AMPH: variants seen among roughly 807,000 people sequenced by gnomAD.
AMPH encodes the protein amphiphysin, also known as amphiphysin (Stiff-Mann syndrome with breast cancer 128kD autoantigen).
A neutral mutation model predicts 99.1 loss-of-function variants in AMPH; 49 were observed. The ratio of observed to expected loss-of-function variants is 0.49; its 90% confidence interval spans 0.39 to 0.63. The LOEUF (loss-of-function observed/expected upper bound fraction) is 0.63, where lower values mean the gene tolerates loss of function less well. AMPH is among the 20% of genes least tolerant of loss of function. AMPH has a pLI of 0.00. For missense variants in AMPH, 759 were observed against 863.4 expected, an observed-to-expected ratio of 0.88 and a Z score of 1.52; for synonymous variants, 314 against 317.3, an observed-to-expected ratio of 0.99 and a Z score of 0.11.
At chr7:38,560,923 A>C (rs781674545) in intron 1 of AMPH, among the ~76,000 whole-genome samples, 3 of 152,218 alleles carry the variant, frequency 2.0e-5, no homozygotes, top group Admixed American at 6.5e-5. Context: ...CATTGGCTAA[A>C]TGATATGTTA....
chr7:38,541,014 T>G (rs917936402), intron 1 of AMPH, among the ~76,000 whole-genome samples: 1 of 74,420 alleles, frequency 1.3e-5, no homozygotes, highest in African/African-American at 4.7e-5. Flanking sequence ...CACTTTCTGT[T>G]CTTAAAAAAA....
intron 1 of AMPH, among the ~76,000 whole-genome samples, chr7:38,617,480 G>A (rs1053821760): frequency 2.6e-5 from 4 of 152,204 alleles, no homozygotes; most frequent in Non-Finnish European, 4.4e-5. Context: ...GGCAGAAGGC[G>A]TGCACCACGC....
intron 5 of AMPH, among the ~76,000 whole-genome samples, chr7:38,485,545 A>G (rs1788456985): frequency 6.6e-6 from 1 of 151,934 alleles, no homozygotes; most frequent in African/African-American, 2.4e-5. Context: ...TATAGATAGA[A>G]CCACAATTTC....
chr7:38,575,455 G>A (rs1422677682), intron 1 of AMPH, among the ~76,000 whole-genome samples: 1 of 152,056 alleles, frequency 6.6e-6, no homozygotes, highest in Non-Finnish European at 1.5e-5. Context: ...CCATGTGTTG[G>A]GGGAGGGACC....
chr7:38,391,210 T>C (rs1784483372), intron 19 of AMPH, among the ~76,000 whole-genome samples: 1 of 152,252 alleles, frequency 6.6e-6, no homozygotes, highest in South Asian at 2.1e-4. Context: ...AGGCTCTAAG[T>C]AGCCTGTCTG....
At chr7:38,494,051 G>A (rs922559758) in intron 4 of AMPH, among the ~76,000 whole-genome samples, 2 of 152,108 alleles carry the variant, frequency 1.3e-5, no homozygotes, top group African/African-American at 4.8e-5. Flanking sequence ...CCACCTCCTG[G>A]GTCCAAGCAA....
chr7:38,403,727 G>T, intron 17 of AMPH, among the ~76,000 whole-genome samples: 1 of 152,362 alleles, frequency 6.6e-6, no homozygotes, highest in African/African-American at 2.4e-5. Flanking sequence ...CAGGCATGGT[G>T]CTGATTTCTG....
intron 13 of AMPH, among the ~76,000 whole-genome samples, chr7:38,430,580 A>G (rs1410921338): frequency 4.6e-5 from 7 of 152,250 alleles, no homozygotes; most frequent in Admixed American, 4.6e-4. Flanking sequence ...CAGCGAGGGA[A>G]GGAAAATGTG....
chr7:38,518,955 G>A (rs536380225), intron 2 of AMPH, among the ~76,000 whole-genome samples: 3 of 152,356 alleles, frequency 2.0e-5, no homozygotes, highest in African/African-American at 7.2e-5. Context: ...TTTAAGAGAT[G>A]ATTAGGTCAT....
chr7:38,426,246 T>C (rs1488068734), intron 15 of AMPH, among the ~76,000 whole-genome samples: 1 of 152,026 alleles, frequency 6.6e-6, no homozygotes, highest in South Asian at 2.1e-4. Context: ...ATTGAAGAGG[T>C]TGTCAGAACT....
intron 5 of AMPH, among the ~76,000 whole-genome samples, chr7:38,481,334 A>G (rs956054260): frequency 2.0e-5 from 3 of 152,028 alleles, no homozygotes; most frequent in South Asian, 2.1e-4. Flanking sequence ...TTTAACTTAC[A>G]TTTCTTGAAA....
At chr7:38,550,447 T>A (rs1244802810) in intron 1 of AMPH, among the ~76,000 whole-genome samples, 1 of 152,238 alleles carries the variant, frequency 6.6e-6, no homozygotes, top group Non-Finnish European at 1.5e-5. Flanking sequence ...AAAGATCAGA[T>A]AATCAAATTG....
At chr7:38,617,073 A>T (rs1793898281) in intron 1 of AMPH, among the ~76,000 whole-genome samples, 2 of 152,272 alleles carry the variant, frequency 1.3e-5, no homozygotes, top group African/African-American at 2.4e-5. Flanking sequence ...TGTACGGCTA[A>T]GATTTTTGCT....
chr7:38,569,882 A>G (rs1487546809), intron 1 of AMPH, among the ~76,000 whole-genome samples: 2 of 152,222 alleles, frequency 1.3e-5, no homozygotes, highest in East Asian at 3.8e-4. Flanking sequence ...TTTCATAAAA[A>G]CAGAAAACCA....
At chr7:38,560,987 T>C (rs181031445) in intron 1 of AMPH, among the ~76,000 whole-genome samples, 1 of 152,362 alleles carries the variant, frequency 6.6e-6, no homozygotes, top group East Asian at 1.9e-4. Context: ...TAAAAACCCA[T>C]GCTTTCAATT....
At chr7:38,481,233 G>T (rs1261443988) in intron 5 of AMPH, among the ~76,000 whole-genome samples, 1 of 151,874 alleles carries the variant, frequency 6.6e-6, no homozygotes, top group Admixed American at 6.6e-5. Flanking sequence ...ATAAGGGTAA[G>T]GTTGACACAC....
intron 1 of AMPH, among the ~76,000 whole-genome samples, chr7:38,598,972 T>C (rs1409676791): frequency 6.6e-6 from 1 of 152,190 alleles, no homozygotes; most frequent in Non-Finnish European, 1.5e-5. Context: ...TTTCCCTGAA[T>C]ATAGCTTTGC....
At chr7:38,390,631 T>C (rs1784460166) in intron 19 of AMPH, among the ~76,000 whole-genome samples, 1 of 152,152 alleles carries the variant, frequency 6.6e-6, no homozygotes, top group Non-Finnish European at 1.5e-5. Context: ...TCACAAGCTG[T>C]CAGAGCTGGA....
intron 1 of AMPH, among the ~76,000 whole-genome samples, chr7:38,627,633 T>C (rs6462854): frequency 0.77 from 104,621 of 136,450 alleles, 40,936 homozygotes; most frequent in Non-Finnish European, 0.82. Context: ...CCAGCCTGGG[T>C]GACAGAGCGA....
Sources: gnomAD v4.1 joint callset for allele counts (sites outside exome capture counted in the v4.1 genomes callset) on GRCh38, gnomAD v4.1.1 for gene constraint, MANE v1.5 for transcripts, NCBI Gene and HGNC (gene_info 2026-07-23, HGNC 2026-07-21) for gene names.